The following TSSK3 variants were observed in gnomAD, a reference collection of about 807,000 sequenced individuals.
TSSK3 encodes testis specific serine kinase 3.
In TSSK3, 16 loss-of-function variants were observed where a neutral mutation model predicts 18.9. That is an observed-to-expected ratio of 0.85 (90% CI 0.57 to 1.28). The LOEUF is 1.28. Among genes scored for constraint, TSSK3 ranks in the 50% most tolerant of loss-of-function variants. TSSK3 has a pLI of 0.00. For synonymous variants in TSSK3, 146 were observed against 133.9 expected (o/e 1.09, Z -0.62); for missense variants, 345 against 341.0 (o/e 1.01, Z -0.09).
chr1:32,363,925 C>T lies in TSSK3; in HGVS notation c.476C>T (p.Pro159Leu). ...GACTTTGGCTTTGCCAAGGTGTTGC[C>T]CAAGTCACACCGGGAGCTGAGCCAG... is the stretch of plus-strand genomic sequence containing the variant. ...LTDFGFAKVLPKSHRELSQTF... is the reference protein window; with the variant it reads ...LTDFGFAKVLLKSHRELSQTF... Residue 159 changes from proline (P) to leucine (L), a missense_variant, in exon 2 of 2, where the codon CCC (proline) becomes CTC (leucine). By Grantham distance (98) the Pro-to-Leu change is moderately conservative. Transcript: ENST00000373534. 6.2e-7 allele frequency: 1 copy of T among 1,614,230 alleles called. No homozygotes were observed. The highest frequency in any genetic ancestry group is 8.5e-7 in the Non-Finnish European group (1 of 1,180,048).
chr1:32,362,927 C>A, intron 1 of TSSK3, 81 bp downstream of exon 1: 1 of 1,512,966 alleles, frequency 6.6e-7, no homozygotes, highest in Non-Finnish European at 9.1e-7. Context: ...TTAGAACGAT[C>A]ATTCGATCAT....
At chr1:32,362,941 C>G in intron 1 of TSSK3, 95 bp downstream of exon 1, 1 of 1,462,112 alleles carries the variant, frequency 6.8e-7, no homozygotes, top group Admixed American at 1.8e-5. Context: ...CGATCATTCC[C>G]TGCTCCCGCT....
Position 32,364,298 on chromosome 1 carries a change from A to G in TSSK3, c.*42A>G, listed in dbSNP as rs1641773762. The G allele has an allele frequency of 6.6e-7, 1 of 1,525,410 alleles. No individual in the cohort carries two copies. The highest frequency in any genetic ancestry group is 2.1e-5 in the Admixed American group (1 of 47,862). 94.5% of individuals were successfully genotyped at this position (1,525,410 alleles called of 1,614,324 possible). On this transcript the variant is annotated 3_prime_UTR_variant, in exon 2 of 2. Coordinates refer to ENST00000373534, the MANE Select transcript of TSSK3 (RefSeq NM_052841.4). ...TGCTCTCCAATAAAGTAGGGGGAGAAAGCAAACCCAAAAACCCGCTTCTAA... is the reference window on the plus strand; with the variant it reads ...TGCTCTCCAATAAAGTAGGGGGAGAGAGCAAACCCAAAAACCCGCTTCTAA...
chr1:32,363,890 G>A lies in TSSK3; in HGVS notation c.441G>A (p.Leu147=). The A allele has an allele frequency of 6.2e-7, 1 of 1,614,194 alleles. No individual in the cohort carries two copies. The highest frequency in any genetic ancestry group is 8.5e-7 in the Non-Finnish European group (1 of 1,180,050). Residue 147 remains leucine (L), a synonymous_variant, in exon 2 of 2, where the codon CTG becomes CTA. Coordinates refer to ENST00000373534, the MANE Select transcript of TSSK3 (RefSeq NM_052841.4). ...ACGCCTTGTTGCAGGGCTTCAACCT[G>A]AAGCTGACTGACTTTGGCTTTGCCA... ...CENALLQGFN[L]KLTDFGFAKV... is the part of the protein sequence containing the mutation.
Position 32,362,691 on chromosome 1 carries a change from C to G in TSSK3, c.-11C>G. 6.2e-7 allele frequency: 1 copy of G among 1,614,032 alleles called. No individual in the cohort carries two copies. The highest frequency in any genetic ancestry group is 1.1e-5 in the South Asian group (1 of 91,074). On this transcript the variant is annotated 5_prime_UTR_variant, in exon 1 of 2. Transcript: ENST00000373534. The stretch of plus-strand genomic sequence containing the variant: ...AGCTGAGAGGGTGATAGGAAGGCGG[C>G]GCTAGACAGCATGGAGGACTTTCTG...
Position 32,362,697 on chromosome 1 carries a change from A to C in TSSK3, c.-5A>C, listed in dbSNP as rs369207329. The C allele has an allele frequency of 2.2e-5, 35 of 1,614,062 alleles. No homozygotes were observed. The highest frequency in any genetic ancestry group is 2.9e-5 in the Non-Finnish European group (34 of 1,180,034). On this transcript the variant is annotated 5_prime_UTR_variant, in exon 1 of 2. Coordinates refer to ENST00000373534, the MANE Select transcript of TSSK3 (RefSeq NM_052841.4). ...GAGGGTGATAGGAAGGCGGCGCTAG[A>C]CAGCATGGAGGACTTTCTGCTCTCC...
rs946751386 is a variant in TSSK3 at position 32,362,603 on chromosome 1, T to G, written c.-99T>G. The G allele has an allele frequency of 1.4e-5, 20 of 1,424,548 alleles. No individual in the cohort carries two copies. The highest frequency in any genetic ancestry group is 1.9e-5 in the Non-Finnish European group (20 of 1,038,722). The allele number at this position is 1,424,548 out of a possible 1,614,324, so 88.2% of individuals were successfully genotyped here. ...TGGGGGCGGCTGCGGATGAAGTCCT[T>G]GGGGAGAAAAGGAGCAGGCCAAGGG... On this transcript the variant is annotated 5_prime_UTR_variant, in exon 1 of 2. Coordinates refer to ENST00000373534, the MANE Select transcript of TSSK3 (RefSeq NM_052841.4).
rs1319298217 is a variant in TSSK3 at position 32,363,591 on chromosome 1, T to G, written c.146-4T>G. The G allele has an allele frequency of 6.2e-7, 1 of 1,605,208 alleles. No individual in the cohort carries two copies. Among genetic ancestry groups the G allele is most frequent in the Non-Finnish European group, 8.5e-7 (1 of 1,173,792 alleles). On this transcript the variant is annotated splice_region_variant and splice_polypyrimidine_tract_variant and intron_variant, in intron 1 of 1. Coordinates refer to ENST00000373534, the MANE Select transcript of TSSK3 (RefSeq NM_052841.4). ...GCCCATCTCTCCTCCCCTTACTTCCTCAGAGTTTATCCAGAGATTCCTCCC... is the reference window on the plus strand; with the variant it reads ...GCCCATCTCTCCTCCCCTTACTTCCGCAGAGTTTATCCAGAGATTCCTCCC...
At position 32,362,866 on chromosome 1, in the gene TSSK3, G is replaced by A. The variant is rs568005542; in HGVS notation, c.145+20G>A. ...CAGAAGGTGAGCCGGGGCCCCTTTGGAGGGAAGGAGGGAGGACTGGCTGAG... is the reference window on the plus strand; with the variant it reads ...CAGAAGGTGAGCCGGGGCCCCTTTGAAGGGAAGGAGGGAGGACTGGCTGAG... On this transcript the variant is annotated intron_variant, in intron 1 of 1. Transcript: ENST00000373534. The A allele has an allele frequency of 6.2e-6, 10 of 1,613,484 alleles. No homozygotes were observed. In the African/African-American group the frequency reaches 1.1e-4, roughly 17 times the overall value.
intron 1 of TSSK3, 195 bp downstream of exon 1, chr1:32,363,041 C>G (rs1265248735): frequency 2.1e-5 from 13 of 607,936 alleles, no homozygotes; most frequent in Non-Finnish European, 2.9e-5. Flanking sequence ...TTACACCCCC[C>G]CAGAATGCAA....
rs1557627528 is a variant in TSSK3 at position 32,363,666 on chromosome 1, G to A, written c.217G>A (p.Val73Met). The change falls in exon 2 of 2, where the codon GTG becomes ATG. Residue 73 changes from valine to methionine, a missense_variant. Transcript: ENST00000373534. ...RTLDHKNIIQ[V>M]YEMLESADGK... ...CCTGGACCACAAGAACATCATCCAG[G>A]TGTATGAGATGCTGGAGTCTGCCGA... 6.2e-7 allele frequency: 1 copy of A among 1,614,216 alleles called. No individual in the cohort carries two copies. Among genetic ancestry groups the A allele is most frequent in the Admixed American group, 1.7e-5 (1 of 60,020 alleles).
At position 32,362,707 on chromosome 1, in the gene TSSK3, G is replaced by A. The variant is rs2148096323; in HGVS notation, c.6G>A (p.Glu2=). The A allele has an allele frequency of 5.6e-6, 9 of 1,614,156 alleles. No homozygotes were observed. Among genetic ancestry groups the A allele is most frequent in the Non-Finnish European group, 7.6e-6 (9 of 1,180,020 alleles). Reference sequence around the variant, plus strand: ...GGAAGGCGGCGCTAGACAGCATGGAGGACTTTCTGCTCTCCAATGGGTACC... The same window carrying A: ...GGAAGGCGGCGCTAGACAGCATGGAAGACTTTCTGCTCTCCAATGGGTACC... M[E]DFLLSNGYQL... Residue 2 remains glutamate (E), a synonymous_variant, in exon 1 of 2, where the codon GAG becomes GAA. Transcript: ENST00000373534.
intron 1 of TSSK3, 129 bp from the exon 2 acceptor site, chr1:32,363,464 CTT>C (rs1402374226): frequency 1.2e-6 from 1 of 838,964 alleles, no homozygotes; most frequent in African/African-American, 1.7e-5. Flanking sequence ...GCTAGACACA[CTT>C]AAGACCATTA....
rs1289249328 is a variant in TSSK3, at chr1:32,362,843, G to T, written c.142G>T (p.Glu48Ter). 6.2e-7 allele frequency: 1 copy of T among 1,614,116 alleles called. No individual in the cohort carries two copies. The highest frequency in any genetic ancestry group is 8.5e-7 in the Non-Finnish European group (1 of 1,179,972). Residue 48 changes from glutamate to a stop codon, truncating the protein, a stop_gained, in exon 1 of 2, where the codon GAA becomes TAA. Transcript: ENST00000373534. LOFTEE classifies it high-confidence loss of function. ...IKVIDKMGGP[E>*]EFIQRFLPRE... ...AGTTATAGACAAGATGGGAGGGCCA[G>T]AAGGTGAGCCGGGGCCCCTTTGGAG...
At position 32,362,549 on chromosome 1, in the gene TSSK3, C is replaced by A; in HGVS notation, c.-153C>A. 1.1e-6 allele frequency: 1 copy of A among 870,000 alleles called. No homozygotes were observed. The highest frequency in any genetic ancestry group is 1.8e-6 in the Non-Finnish European group (1 of 561,196). 53.9% of individuals were successfully genotyped at this position (870,000 alleles called of 1,614,324 possible). A position where few individuals can be genotyped will look rare whatever the true frequency, so the allele number is the denominator to read the frequency against. ...CCCTGTCCCTCCCCACCACCCGCCG[C>A]TGTGTCCAGACAGAGAATGTTCTAA... On this transcript the variant is annotated 5_prime_UTR_variant, in exon 1 of 2. The change creates a new upstream start codon in the 5' untranslated region. Transcript: ENST00000373534.
At chr1:32,363,118 G>A (rs1641737741) in intron 1 of TSSK3, 1 of 443,934 alleles carries the variant, frequency 2.3e-6, no homozygotes, top group Admixed American at 3.5e-5. Context: ...CTTTCCGGCA[G>A]GGGAACAGAG....
rs1162531102 is a variant in TSSK3, at chr1:32,363,917, G to T, written c.468G>T (p.Lys156Asn). ...NLKLTDFGFAKVLPKSHRELS... is the reference protein window; with the variant it reads ...NLKLTDFGFANVLPKSHRELS... ...AGCTGACTGACTTTGGCTTTGCCAAGGTGTTGCCCAAGTCACACCGGGAGC... is the reference window on the plus strand; with the variant it reads ...AGCTGACTGACTTTGGCTTTGCCAATGTGTTGCCCAAGTCACACCGGGAGC... The change falls in exon 2 of 2, where the codon AAG becomes AAT. Residue 156 changes from lysine (K) to asparagine (N), a missense_variant. Coordinates refer to ENST00000373534, the MANE Select transcript of TSSK3 (RefSeq NM_052841.4). The T allele has an allele frequency of 6.2e-7, 1 of 1,614,096 alleles. No homozygotes were observed. The highest frequency in any genetic ancestry group is 8.5e-7 in the Non-Finnish European group (1 of 1,180,048).
rs1414672484 is a variant in TSSK3, at chr1:32,363,746, C to T, written c.297C>T (p.Cys99=). 23 of 1,614,146 alleles carry T rather than the reference C, an allele frequency of 1.4e-5. No homozygotes were observed. Among genetic ancestry groups the T allele is most frequent in the Non-Finnish European group, 1.8e-5 (21 of 1,180,062 alleles). Residue 99 remains cysteine (C), a synonymous_variant, in exon 2 of 2, where the codon TGC becomes TGT. Coordinates refer to ENST00000373534, the MANE Select transcript of TSSK3 (RefSeq NM_052841.4). The part of the protein sequence containing the change: ...ELAEGGDVFD[C]VLNGGPLPES... Reference sequence around the variant, plus strand: ...CTGAGGGAGGGGATGTCTTTGACTGCGTGCTGAATGGGGGGCCACTGCCTG... The same window carrying T: ...CTGAGGGAGGGGATGTCTTTGACTGTGTGCTGAATGGGGGGCCACTGCCTG...
chr1:32,363,491 T>C lies in TSSK3; in HGVS notation c.146-104T>C, dbSNP rs562622182. On this transcript the variant is annotated intron_variant, in intron 1 of 1. Coordinates refer to ENST00000373534, the MANE Select transcript of TSSK3 (RefSeq NM_052841.4). ...TAAGACCATTAAGAAAGCCAAGAAA[T>C]AAGACCCAGACAAGGTGGGCAGAAG... The C allele has an allele frequency of 5.3e-4, 599 of 1,125,996 alleles. 8 individuals carry two copies. The South Asian group carries it at 9.1e-3, about 17-fold the overall frequency. The allele number at this position is 1,125,996 out of a possible 1,614,324, so 69.8% of individuals were successfully genotyped here.
Sources: allele counts gnomAD v4.1 joint callset, GRCh38; gene constraint gnomAD v4.1.1; transcripts MANE v1.5; gene names NCBI Gene and HGNC (gene_info 2026-07-23, HGNC 2026-07-21).